RAD51AP2: variants seen among roughly 807,000 people sequenced by gnomAD.
RAD51AP2 encodes RAD51 associated protein 2.
In RAD51AP2, 67 loss-of-function variants were observed where a neutral mutation model predicts 85.5. The observed-to-expected ratio is 0.78, with a 90% CI of 0.64 to 0.96. RAD51AP2 has a LOEUF of 0.96. Among genes scored for constraint, RAD51AP2 ranks in the 40% least tolerant of loss-of-function variants. The pLI, the probability that RAD51AP2 is intolerant of heterozygous loss-of-function variation, is 0.00. For synonymous variants in RAD51AP2, 474 were observed against 446.5 expected (o/e 1.06, Z -0.78); for missense variants, 1,307 against 1,332.4 (o/e 0.98, Z 0.30).
At chr2:17,536,920 AG>A in the RAD51AP2 span, among the ~76,000 whole-genome samples, 1 of 152,226 alleles carries the variant, frequency 6.6e-6, no homozygotes, top group Admixed American at 6.5e-5. Flanking sequence ...TCTATGAGTC[AG>A]AAAAACTGTT....
At chr2:17,518,589 G>A (rs1054634214), upstream of RAD51AP2, 2 of 622,650 alleles carry the variant, frequency 3.2e-6, no homozygotes, top group African/African-American at 5.2e-5. Context: ...CCTCAGCCCC[G>A]CCCCGCCTCC....
the RAD51AP2 span, among the ~76,000 whole-genome samples, chr2:17,533,113 C>T: frequency 6.6e-6 from 1 of 152,108 alleles, no homozygotes; most frequent in South Asian, 2.1e-4. Context: ...TCTCTTTATA[C>T]TCCTCCTTTG....
chr2:17,515,602 C>T lies in RAD51AP2; in HGVS notation c.2814G>A (p.Gly938=), dbSNP rs760061022. Residue 938 remains glycine (G), a synonymous_variant, in exon 1 of 3, where the codon GGG becomes GGA. Coordinates refer to ENST00000399080, the MANE Select transcript of RAD51AP2 (RefSeq NM_001099218.3). ...NHQFETGLSE[G]NDECFQDLAA... is the part of the protein sequence containing the mutation. ...CTAAGTCCTGAAAACATTCATCATT[C>T]CCTTCACTCAGACCAGTTTCAAATT... 2 of 1,610,254 alleles carry T rather than the reference C, an allele frequency of 1.2e-6. No individual in the cohort carries two copies. The highest frequency in any genetic ancestry group is 1.1e-5 in the South Asian group (1 of 89,952).
intron 2 of RAD51AP2, among the ~76,000 whole-genome samples, chr2:17,513,634 T>C (rs537719314): frequency 5.9e-4 from 90 of 152,294 alleles, no homozygotes; most frequent in Middle Eastern, 6.8e-3. Flanking sequence ...TAATAAAATG[T>C]CCACATAAAA....
In RAD51AP2 at chr2:17,516,939, A is replaced by G. The variant is rs375739867; in HGVS notation, c.1477T>C (p.Tyr493His). Residue 493 changes from tyrosine to histidine, a missense_variant, in exon 1 of 3, where the codon TAC becomes CAC. Around this residue, in one of 3 missense-constraint regions of RAD51AP2, gnomAD observed 635 missense variants for 643.6 expected, o/e 0.99. Coordinates refer to ENST00000399080, the MANE Select transcript of RAD51AP2 (RefSeq NM_001099218.3). Reference protein sequence around the residue: ...GENDNTLQLRYNTTQKVFHVN... With the variant: ...GENDNTLQLRHNTTQKVFHVN... ...TGAAAGACTTTTTGTGTAGTATTGT[A>G]TCTCAACTGTAGAGTATTATCATTT... The G allele has an allele frequency of 9.4e-6, 15 of 1,599,710 alleles. No homozygotes were observed. The highest frequency in any genetic ancestry group is 1.2e-5 in the Non-Finnish European group (14 of 1,175,524).
the RAD51AP2 span, among the ~76,000 whole-genome samples, chr2:17,534,398 G>A: frequency 6.6e-6 from 1 of 152,112 alleles, no homozygotes; most frequent in East Asian, 1.9e-4. Flanking sequence ...CTGAAACTCG[G>A]AAAGATAGAA....
At chr2:17,515,049 T>C (rs1457755837) in intron 1 of RAD51AP2, 120 bp downstream of exon 1, 15 of 763,616 alleles carry the variant, frequency 2.0e-5, no homozygotes, top group Non-Finnish European at 2.4e-5. Context: ...TCAATAAACA[T>C]TGTCTTGCAT....
At chr2:17,535,818 A>G in the RAD51AP2 span, among the ~76,000 whole-genome samples, 1 of 151,802 alleles carries the variant, frequency 6.6e-6, no homozygotes, top group Admixed American at 6.6e-5. Flanking sequence ...AAAAGGAGGA[A>G]GTCGAGAGTA....
At chr2:17,527,148 C>G in the RAD51AP2 span, among the ~76,000 whole-genome samples, 2 of 152,062 alleles carry the variant, frequency 1.3e-5, no homozygotes, top group African/African-American at 4.8e-5. Flanking sequence ...CCTTCTATTT[C>G]TTTACCTGAG....
In RAD51AP2 at chr2:17,515,181, T is replaced by C. The variant is rs1404853232; in HGVS notation, c.3235A>G (p.Thr1079Ala). 4 of 1,568,524 alleles carry C rather than the reference T, an allele frequency of 2.6e-6. No individual in the cohort carries two copies. The African/African-American group carries it at 4.1e-5, about 16-fold the overall frequency. Residue 1079 changes from threonine (T) to alanine (A), a missense_variant, in exon 1 of 3, where the codon ACT becomes GCT. Transcript: ENST00000399080. ...ATGAATTTCATACCTTTCTCAGAAG[T>C]AGAGTAAAGTAATTCTTCCTCTGAT... is the stretch of plus-strand genomic sequence containing the variant. Reference protein sequence around the residue: ...SRSEEELLYSTSEKDCETPLP... With the variant: ...SRSEEELLYSASEKDCETPLP...
chr2:17,519,257 TA>T (rs1662802472), upstream of RAD51AP2, among the ~76,000 whole-genome samples: 1 of 151,620 alleles, frequency 6.6e-6, no homozygotes, highest in South Asian at 2.1e-4. Flanking sequence ...TTTTAGACGC[TA>T]TTTCTTGTTT....
At chr2:17,537,828 T>C in the RAD51AP2 span, among the ~76,000 whole-genome samples, 1 of 152,190 alleles carries the variant, frequency 6.6e-6, no homozygotes, top group Non-Finnish European at 1.5e-5. Context: ...TAGAAATTTC[T>C]ATAAAGAACA....
the RAD51AP2 span, among the ~76,000 whole-genome samples, chr2:17,525,729 C>T: frequency 2.6e-5 from 4 of 152,020 alleles, no homozygotes; most frequent in Admixed American, 2.6e-4. Context: ...AAGCTAATCC[C>T]ACAATTTCTG....
chr2:17,525,620 A>G, the RAD51AP2 span, among the ~76,000 whole-genome samples: 6 of 152,210 alleles, frequency 3.9e-5, no homozygotes, highest in South Asian at 2.1e-4. Context: ...TTTGTTTTAC[A>G]TAGTACTTAT....
At chr2:17,535,312 T>A in the RAD51AP2 span, among the ~76,000 whole-genome samples, 1 of 152,172 alleles carries the variant, frequency 6.6e-6, no homozygotes, top group East Asian at 1.9e-4. Flanking sequence ...CGGTTGAGCA[T>A]AGAGCACTAA....
the RAD51AP2 span, among the ~76,000 whole-genome samples, chr2:17,535,711 C>T: frequency 1.3e-5 from 2 of 151,956 alleles, no homozygotes; most frequent in Non-Finnish European, 2.9e-5. Context: ...AAGAACAGAT[C>T]CAAGGAGGCA....
At position 17,517,040 on chromosome 2, in the gene RAD51AP2, G is replaced by A. The variant is rs752732691; in HGVS notation, c.1376C>T (p.Ser459Leu). 8 of 1,608,784 alleles carry A rather than the reference G, an allele frequency of 5.0e-6. No homozygotes were observed. The highest frequency in any genetic ancestry group is 6.8e-6 in the Non-Finnish European group (8 of 1,178,514). ...AKVINAYEEQ[S>L]KLLVREILGS... ...TAATATTTCTCTTACGAGAAGCTTTGATTGTTCTTCATATGCATTGATGAC... is the reference window on the plus strand; with the variant it reads ...TAATATTTCTCTTACGAGAAGCTTTAATTGTTCTTCATATGCATTGATGAC... The change falls in exon 1 of 3, where the codon TCA becomes TTA. Residue 459 changes from serine to leucine, a missense_variant. Ser to Leu is a moderately radical substitution (Grantham distance 145). Coordinates refer to ENST00000399080, the MANE Select transcript of RAD51AP2 (RefSeq NM_001099218.3).
At chr2:17,537,764 T>G in the RAD51AP2 span, among the ~76,000 whole-genome samples, 3 of 152,202 alleles carry the variant, frequency 2.0e-5, no homozygotes, top group Admixed American at 6.5e-5. Flanking sequence ...GAAAATCTAC[T>G]GTTGGTATTG....
chr2:17,528,893 A>G, the RAD51AP2 span, among the ~76,000 whole-genome samples: 1 of 152,290 alleles, frequency 6.6e-6, no homozygotes, highest in South Asian at 2.1e-4. Context: ...TGTCAGTAGC[A>G]AAAAAGGAGG....
Sources: gnomAD v4.1 joint callset for allele counts (sites outside exome capture counted in the v4.1 genomes callset) on GRCh38, gnomAD v4.1.1 for gene constraint, gnomAD v4.1.1 regional missense constraint, MANE v1.5 for transcripts, NCBI Gene and HGNC (gene_info 2026-07-23, HGNC 2026-07-21) for gene names.